UBE4B: variants seen among roughly 807,000 people sequenced by gnomAD.
The protein encoded by UBE4B is ubiquitination factor E4B.
UBE4B carries 27 observed loss-of-function variants against 148.1 expected under a neutral mutation model. That is an observed-to-expected ratio of 0.18 (90% CI 0.13 to 0.25). The LOEUF (loss-of-function observed/expected upper bound fraction) is 0.25. Among genes scored for constraint, UBE4B ranks in the 10% least tolerant of loss-of-function variants. The pLI is 1.00. For synonymous variants in UBE4B, 596 were observed against 619.3 expected (o/e 0.96, Z 0.56); for missense variants, 1,170 against 1,662.4 (o/e 0.70, Z 5.15).
chr1:10,149,937 A>C (rs1645943008), intron 20 of UBE4B, among the ~76,000 whole-genome samples: 1 of 152,136 alleles, frequency 6.6e-6, no homozygotes, highest in Admixed American at 6.6e-5. Context: ...AGCCTAGTTC[A>C]AGACCAGTCT....
chr1:10,040,311 T>C (rs548430893), intron 1 of UBE4B, among the ~76,000 whole-genome samples: 1 of 152,104 alleles, frequency 6.6e-6, no homozygotes, highest in African/African-American at 2.4e-5. Flanking sequence ...TGTTTCACCA[T>C]ATTGGCCAGG....
At chr1:10,132,176 C>G (rs536152064) in intron 14 of UBE4B, among the ~76,000 whole-genome samples, 193 bp from the exon 15 acceptor site, 1 of 152,178 alleles carries the variant, frequency 6.6e-6, no homozygotes, top group East Asian at 1.9e-4. Flanking sequence ...ACTCCATATT[C>G]TGCTTTCATG....
Position 10,151,513 on chromosome 1 carries a change from C to G in UBE4B, c.2878C>G (p.Pro960Ala). 6.2e-7 allele frequency: 1 copy of G among 1,614,136 alleles called. No homozygotes were observed. Among genetic ancestry groups the G allele is most frequent in the Non-Finnish European group, 8.5e-7 (1 of 1,180,030 alleles). Residue 960 changes from proline (P) to alanine (A), a missense_variant, in exon 21 of 28, where the codon CCT (proline) becomes GCT (alanine). Physicochemically the swap from Pro to Ala is conservative, Grantham distance 27. Transcript: ENST00000343090. The stretch of plus-strand genomic sequence containing the variant: ...GTTTTTTGAAATGATTGAGAACCAT[C>G]CTCTCTCCACCAAGTTGTTGGTACC... ...QKFFEMIENH[P>A]LSTKLLVPSL... is the part of the protein sequence containing the mutation.
Position 10,168,219 on chromosome 1 carries a change from G to A in UBE4B, c.3282G>A (p.Val1094=). The A allele has an allele frequency of 1.2e-6, 2 of 1,614,146 alleles. No individual in the cohort carries two copies. The highest frequency in any genetic ancestry group is 2.2e-5 in the South Asian group (2 of 91,082). The part of the protein sequence containing the change: ...RSYLALATET[V]DMFHILTKQV... ...ACCTCGCCCTGGCCACCGAAACCGT[G>A]GACATGTTCCACATCCTCACGAAGC... The change falls in exon 24 of 28, where the codon GTG becomes GTA. Residue 1094 remains valine (V), a synonymous_variant. Coordinates refer to ENST00000343090, the MANE Select transcript of UBE4B (RefSeq NM_001105562.3). This position sits in a 1 kb window ranked among gnomAD's most constrained non-coding sequence, Gnocchi z 4.9.
chr1:10,174,594 C>T (rs566245399), intron 25 of UBE4B, among the ~76,000 whole-genome samples: 2 of 146,196 alleles, frequency 1.4e-5, no homozygotes, highest in East Asian at 2.1e-4. Context: ...CCCAGCTACT[C>T]GGGAGGCTGA....
At chr1:10,117,862 CTGT>C (rs1645339313) in intron 8 of UBE4B, among the ~76,000 whole-genome samples, 1 of 152,214 alleles carries the variant, frequency 6.6e-6, no homozygotes, top group Admixed American at 6.5e-5. Flanking sequence ...CTTGACCACA[CTGT>C]AGCTCGGTAC....
chr1:10,068,590 A>C (rs1478532152), intron 1 of UBE4B, among the ~76,000 whole-genome samples: 8 of 150,270 alleles, frequency 5.3e-5, no homozygotes, highest in African/African-American at 2.0e-4. Context: ...ACCTCGGGCC[A>C]TCTGCCTGCC....
chr1:10,102,385 T>C (rs59570346), intron 4 of UBE4B, among the ~76,000 whole-genome samples: 3,261 of 140,676 alleles, frequency 0.023, 148 homozygotes, highest in African/African-American at 0.082. Flanking sequence ...TGATAATGAC[T>C]TTGCTCTTTT....
intron 9 of UBE4B, 45 bp from the exon 10 acceptor site, chr1:10,121,917 A>T: frequency 7.5e-7 from 1 of 1,339,360 alleles, no homozygotes; most frequent in Non-Finnish European, 1.1e-6. Context: ...GTGCCTCTGT[A>T]GTGAGTTGAC....
chr1:10,175,981 G>A (rs6541080), intron 25 of UBE4B, among the ~76,000 whole-genome samples: 71,135 of 151,958 alleles, frequency 0.47, 19,512 homozygotes, highest in African/African-American at 0.77. Context: ...TAAAGCAGTC[G>A]CTGTCTAGAC....
chr1:10,135,746 A>AC (rs1276694934), intron 16 of UBE4B, among the ~76,000 whole-genome samples: 1 of 151,458 alleles, frequency 6.6e-6, no homozygotes, highest in Non-Finnish European at 1.5e-5. Flanking sequence ...AAAAAAAAAA[A>AC]AAAAACAGAT....
intron 23 of UBE4B, among the ~76,000 whole-genome samples, chr1:10,166,659 C>T (rs1289836342): frequency 6.6e-6 from 1 of 152,028 alleles, no homozygotes; most frequent in Admixed American, 6.6e-5. Context: ...CGCATTGGCT[C>T]ACGCCTGTAA....
At chr1:10,175,681 G>T (rs1401925419) in intron 25 of UBE4B, among the ~76,000 whole-genome samples, 3 of 151,720 alleles carry the variant, frequency 2.0e-5, no homozygotes, top group African/African-American at 7.3e-5. Context: ...AAATAAAAAA[G>T]AAAATAAAAA....
At position 10,033,752 on chromosome 1, in the gene UBE4B, C is replaced by G. The variant is rs116875717; in HGVS notation, c.24+58C>G. On this transcript the variant is annotated intron_variant, in intron 1 of 27. Transcript: ENST00000343090. ...GTTGGCAACTCGTTAGCGCTTTGGA[C>G]AGGGATGGTATTGCGCCAGTGCTGT... 12,101 of 1,494,804 alleles carry G rather than the reference C, an allele frequency of 8.1e-3. 218 individuals are homozygous for G. Among genetic ancestry groups the G allele is most frequent in the South Asian group, 0.056 (4,160 of 74,750 alleles). 92.6% of individuals were successfully genotyped at this position (1,494,804 alleles called of 1,614,324 possible).
At chr1:10,080,189 A>G (rs1236404975) in intron 2 of UBE4B, among the ~76,000 whole-genome samples, 1 of 152,120 alleles carries the variant, frequency 6.6e-6, no homozygotes, top group Non-Finnish European at 1.5e-5. Flanking sequence ...TGGGAGGCCG[A>G]GATGGAGGGA....
At position 10,144,927 on chromosome 1, in the gene UBE4B, T is replaced by G. The variant is rs1314041372; in HGVS notation, c.2364-13T>G. ...CTGTTTTCTTTCATTTGACTGTTAG[T>G]CTTTGATTTCAGAACTGTAGAAGAT... On this transcript the variant is annotated splice_polypyrimidine_tract_variant and intron_variant, in intron 17 of 27. Transcript: ENST00000343090. The G allele has an allele frequency of 6.2e-7, 1 of 1,600,720 alleles. No individual in the cohort carries two copies. The highest frequency in any genetic ancestry group is 8.5e-7 in the Non-Finnish European group (1 of 1,169,590).
At position 10,033,631 on chromosome 1, in the gene UBE4B, G is replaced by T; in HGVS notation, c.-40G>T. ...TCCCGCCGTGGTCTCGAGAACAGAA[G>T]GATCTCTCCTTAACGCCTTTCACCA... On this transcript the variant is annotated 5_prime_UTR_variant, in exon 1 of 28. It adds an upstream start codon to the 5' untranslated region. Transcript: ENST00000343090. 6.6e-7 allele frequency: 1 copy of T among 1,516,768 alleles called. No homozygotes were observed. The highest frequency in any genetic ancestry group is 8.8e-7 in the Non-Finnish European group (1 of 1,130,920). 94.0% of individuals were successfully genotyped at this position (1,516,768 alleles called of 1,614,324 possible). A position where few individuals can be genotyped will look rare whatever the true frequency, so the allele number is the denominator to read the frequency against.
rs142522772 is a variant in UBE4B, at chr1:10,146,076, A to G, written c.2464-887A>G. Among the ~76,000 whole-genome samples, 536 of 152,300 alleles carry G rather than the reference A, an allele frequency of 3.5e-3. 6 individuals carry two copies. Among genetic ancestry groups the G allele is most frequent in the African/African-American group, 0.012 (506 of 41,564 alleles). On this transcript the variant is annotated intron_variant, in intron 18 of 27. Transcript: ENST00000343090. Reference sequence around the variant, plus strand: ...TACTAATAGACTAGACTTCTTCAAGATGCACAATTAACAAGGGGCCCTTAT... The same window carrying G: ...TACTAATAGACTAGACTTCTTCAAGGTGCACAATTAACAAGGGGCCCTTAT...
chr1:10,036,206 A>G (rs766773664), intron 1 of UBE4B, among the ~76,000 whole-genome samples: 3 of 151,654 alleles, frequency 2.0e-5, no homozygotes, highest in Non-Finnish European at 4.4e-5. Context: ...AAGATATTGT[A>G]TAATCTAAAA....
Sources: gnomAD v4.1 joint callset for allele counts (sites outside exome capture counted in the v4.1 genomes callset) on GRCh38, gnomAD v4.1.1 for gene constraint, Gnocchi (gnomAD v3.1) non-coding constraint, MANE v1.5 for transcripts, NCBI Gene and HGNC (gene_info 2026-07-23, HGNC 2026-07-21) for gene names.